The following SMIM27 variants were observed in gnomAD, a reference collection of about 807,000 sequenced individuals.
SMIM27 encodes TOPORS antisense RNA 1 (non-protein coding).
Under a neutral mutation model 1.8 loss-of-function variants are expected in SMIM27, and 3 were observed. The observed-to-expected ratio is 1.65, with a 90% confidence interval of 0.75 to 4.28. SMIM27 has a LOEUF of 4.28. SMIM27 is among the 30% of genes most tolerant of loss of function. The pLI, the probability that SMIM27 is intolerant of heterozygous loss-of-function variation, is 0.02. For missense variants in SMIM27, 63 were observed against 37.0 expected (o/e 1.70, Z -1.83); for synonymous variants, 19 against 13.9 (o/e 1.37, Z -0.82).
chr9:32,552,354 GC>G lies in SMIM27; in HGVS notation c.-79del. The G allele has an allele frequency of 6.4e-7, 1 of 1,567,322 alleles. No individual in the cohort carries two copies. The highest frequency in any genetic ancestry group is 8.7e-7 in the Non-Finnish European group (1 of 1,152,654). ...GCCCGGCTAAAAGATGGCTGCTGGC[GC>G]CTGGCAGCCACCGCCTGGGAGGTTA... On this transcript the variant is annotated 5_prime_UTR_variant, in exon 1 of 2. The change abolishes the stop of an existing upstream ORF in the 5' untranslated region. Coordinates refer to ENST00000692500, the MANE Select transcript of SMIM27 (RefSeq NM_001387564.1).
chr9:32,558,234 C>G lies in SMIM27; in HGVS notation c.45+5755C>G, dbSNP rs553873152. ...TCACGCCATTCTCCTGCCTCAGCCTCTCGAGTAGCTGGGACTACAGGCGCC... is the reference window on the plus strand; with the variant it reads ...TCACGCCATTCTCCTGCCTCAGCCTGTCGAGTAGCTGGGACTACAGGCGCC... On this transcript the variant is annotated intron_variant, in intron 1 of 1. Coordinates refer to the SMIM27 transcript ENST00000451672. Among the ~76,000 whole-genome samples, 3 of 152,030 alleles carry G rather than the reference C, an allele frequency of 2.0e-5. No homozygotes were observed. In the East Asian group the frequency reaches 5.8e-4, roughly 29 times the overall value.
At chr9:32,562,155 G>C (rs1195086632) in intron 1 of SMIM27, among the ~76,000 whole-genome samples, 2 of 152,122 alleles carry the variant, frequency 1.3e-5, no homozygotes, top group Non-Finnish European at 2.9e-5. Flanking sequence ...GACTCCATAT[G>C]TTTGCTTCTA....
intron 1 of SMIM27, among the ~76,000 whole-genome samples, chr9:32,558,409 C>A (rs1043900938): frequency 6.6e-6 from 1 of 152,124 alleles, no homozygotes; most frequent in Non-Finnish European, 1.5e-5. Context: ...CTGTGCCTGG[C>A]CCATAGTATA....
downstream of SMIM27, among the ~76,000 whole-genome samples, chr9:32,557,853 CCT>C (rs1821511798): frequency 6.6e-6 from 1 of 152,122 alleles, no homozygotes; most frequent in Admixed American, 6.5e-5. Flanking sequence ...CTAAAATTCC[CCT>C]GTTGCAACAG....
chr9:32,566,397 G>T, exon 2 of SMIM27: 1 of 982,740 alleles, frequency 1.0e-6, no homozygotes, highest in African/African-American at 1.6e-5. Flanking sequence ...CCAGGTTCCA[G>T]GTCCAGAAGA....
intron 1 of SMIM27, among the ~76,000 whole-genome samples, chr9:32,563,031 G>C (rs1410135873): frequency 6.6e-6 from 1 of 152,156 alleles, no homozygotes; most frequent in Non-Finnish European, 1.5e-5. Flanking sequence ...CCAATAATGA[G>C]GGAGAACAGC....
At chr9:32,553,990 G>A, downstream of SMIM27, 1 of 1,226,502 alleles carries the variant, frequency 8.2e-7, no homozygotes, top group Non-Finnish European at 1.2e-6. Flanking sequence ...TAAGTCTACA[G>A]AGGTGATAGT....
At chr9:32,566,199 G>A in intron 1 of SMIM27, 1 of 775,824 alleles carries the variant, frequency 1.3e-6, no homozygotes, top group Non-Finnish European at 2.3e-6. Context: ...TCTGGGGTTT[G>A]TAGATTCTGT....
In SMIM27 at chr9:32,562,173, T is replaced by C. The variant is rs1821644344; in HGVS notation, c.46-4218T>C. On this transcript the variant is annotated intron_variant, in intron 1 of 1. Transcript: ENST00000451672. Reference sequence around the variant, plus strand: ...TCCATATGTTTGCTTCTAACAGGAATTAACTTTTTTCCTCCGTACTCTTTC... The same window carrying C: ...TCCATATGTTTGCTTCTAACAGGAACTAACTTTTTTCCTCCGTACTCTTTC... 2.6e-5 allele frequency among the ~76,000 whole-genome samples: 4 copies of C among 152,194 alleles called. No homozygotes were observed. The South Asian group carries it at 8.3e-4, about 32-fold the overall frequency.
At chr9:32,564,736 A>G (rs1821729748) in intron 1 of SMIM27, among the ~76,000 whole-genome samples, 1 of 152,200 alleles carries the variant, frequency 6.6e-6, no homozygotes. Context: ...CTGAGATGAT[A>G]GTAACTCTGA....
chr9:32,563,677 T>C (rs1193551621), intron 1 of SMIM27, among the ~76,000 whole-genome samples: 1 of 152,114 alleles, frequency 6.6e-6, no homozygotes, highest in Non-Finnish European at 1.5e-5. Flanking sequence ...ACTATGATGA[T>C]TCTCAAATGG....
At chr9:32,551,558 C>T (rs1328521571), upstream of SMIM27, 1 of 253,134 alleles carries the variant, frequency 4.0e-6, no homozygotes, top group Non-Finnish European at 8.4e-6. Flanking sequence ...CCTTCCCACT[C>T]CCTGAAATCT....
chr9:32,564,941 A>G (rs1397196629), intron 1 of SMIM27, among the ~76,000 whole-genome samples: 7 of 152,206 alleles, frequency 4.6e-5, no homozygotes, highest in Admixed American at 6.5e-5. Context: ...GTGGTTCGAC[A>G]TAATAGCTAT....
rs781345936 is a variant in SMIM27, at chr9:32,560,303, G to A, written c.46-6088G>A. Among the ~76,000 whole-genome samples, 3 of 152,198 alleles carry A rather than the reference G, an allele frequency of 2.0e-5. No individual in the cohort carries two copies. The South Asian group carries it at 6.2e-4, about 31-fold the overall frequency. The stretch of plus-strand genomic sequence containing the variant: ...CTCAGGAAAAATCACCTGGAAGTGT[G>A]AACCCTCAGATAAGCAACCACATTA... On this transcript the variant is annotated intron_variant, in intron 1 of 1. Coordinates refer to the SMIM27 transcript ENST00000451672.
chr9:32,552,492 G>A lies in SMIM27; in HGVS notation c.45+13G>A, dbSNP rs746900861. ...GATTTATTCAGTGGTAAGTCCCGGG[G>A]ATCGCGGGCCCCCACCGTGTCGACT... On this transcript the variant is annotated intron_variant, in intron 1 of 1. Transcript: ENST00000692500. 38 of 1,580,062 alleles carry A rather than the reference G, an allele frequency of 2.4e-5. No individual in the cohort carries two copies. Among genetic ancestry groups the A allele is most frequent in the Non-Finnish European group, 3.2e-5 (37 of 1,163,124 alleles).
At chr9:32,551,156 G>A (rs1821246239), upstream of SMIM27, 3 of 694,614 alleles carry the variant, frequency 4.3e-6, no homozygotes, top group Non-Finnish European at 7.4e-6. Flanking sequence ...CGCCGCTCCA[G>A]ACCCCGGAGG....
downstream of SMIM27, among the ~76,000 whole-genome samples, chr9:32,556,088 GC>G (rs1226936934): frequency 4.1e-5 from 4 of 98,714 alleles, no homozygotes; most frequent in Non-Finnish European, 9.3e-5. Flanking sequence ...TGGATTTGGG[GC>G]CGGGGTGCAA....
chr9:32,560,634 C>T (rs897539167), intron 1 of SMIM27, among the ~76,000 whole-genome samples: 1 of 152,140 alleles, frequency 6.6e-6, no homozygotes, highest in Non-Finnish European at 1.5e-5. Context: ...AAAATTACTT[C>T]TTAGAATCAT....
intron 1 of SMIM27, among the ~76,000 whole-genome samples, chr9:32,560,428 A>C (rs1821593385): frequency 6.6e-6 from 1 of 152,226 alleles, no homozygotes; most frequent in African/African-American, 2.4e-5. Context: ...TTTAGATATG[A>C]TAAAGTAAGT....
Sources: allele counts gnomAD v4.1 joint callset (sites outside exome capture counted in the v4.1 genomes callset), GRCh38; gene constraint gnomAD v4.1.1; transcripts MANE v1.5; gene names NCBI Gene and HGNC (gene_info 2026-07-23, HGNC 2026-07-21).